The following ADAM10 variants were observed in gnomAD, a reference collection of about 807,000 sequenced individuals.
ADAM10 encodes ADAM metallopeptidase domain 10.
ADAM10 carries 17 observed loss-of-function variants against 90.1 expected under a neutral mutation model. That is an observed-to-expected ratio of 0.19 (90% CI 0.13 to 0.28). The LOEUF is 0.28. Ranked by LOEUF, ADAM10 falls within the 10% of genes least tolerant of loss-of-function variation. The probability of loss-of-function intolerance (pLI) is 1.00; values close to 1 mark genes in which losing one functional copy is unlikely to be tolerated. For synonymous variants in ADAM10, 310 were observed against 298.6 expected (o/e 1.04, Z -0.40); for missense variants, 610 against 914.3 (o/e 0.67, Z 4.29).
At chr15:58,722,749 T>TTGG (rs1898897713) in intron 1 of ADAM10, among the ~76,000 whole-genome samples, 1 of 148,558 alleles carries the variant, frequency 6.7e-6, no homozygotes, top group African/African-American at 2.5e-5. Context: ...TTTTTTTTTT[T>TTGG]GAGACAAGGT....
At chr15:58,743,682 G>A (rs1372014009) in intron 1 of ADAM10, among the ~76,000 whole-genome samples, 1 of 151,488 alleles carries the variant, frequency 6.6e-6, no homozygotes, top group African/African-American at 2.4e-5. Flanking sequence ...TCAGCTCACT[G>A]CAACCTCCAC....
At chr15:58,644,691 T>C (rs1209123413) in intron 6 of ADAM10, among the ~76,000 whole-genome samples, 1 of 152,248 alleles carries the variant, frequency 6.6e-6, no homozygotes. Flanking sequence ...ACTTCCCTGA[T>C]GGCTCAGGAC....
chr15:58,711,752 C>A (rs1478209959), intron 2 of ADAM10, among the ~76,000 whole-genome samples: 8 of 152,068 alleles, frequency 5.3e-5, no homozygotes, highest in Non-Finnish European at 7.4e-5. Flanking sequence ...ATACATACAA[C>A]CACAAAAATA....
At chr15:58,630,205 A>G (rs1474031551) in intron 9 of ADAM10, among the ~76,000 whole-genome samples, 1 of 152,204 alleles carries the variant, frequency 6.6e-6, no homozygotes, top group Non-Finnish European at 1.5e-5. Context: ...AGGCTGCTTA[A>G]AACTTTTTGG....
rs78257076 is a variant in ADAM10 at position 58,659,606 on chromosome 15, C to T, written c.585+5491G>A. Among the ~76,000 whole-genome samples, 252 of 152,194 alleles carry T rather than the reference C, an allele frequency of 1.7e-3. 1 individual carries two copies. Among genetic ancestry groups the T allele is most frequent in the Non-Finnish European group, 2.7e-3 (184 of 67,996 alleles). On this transcript the variant is annotated intron_variant, in intron 5 of 15. Coordinates refer to ENST00000260408, the MANE Select transcript of ADAM10 (RefSeq NM_001110.4). ...TATATATATTGCTGGATTTCACTTGCTAATATTTTAAGAAATTTTACTTTT... is the reference window on the plus strand; with the variant it reads ...TATATATATTGCTGGATTTCACTTGTTAATATTTTAAGAAATTTTACTTTT...
At chr15:58,725,496 T>C (rs559327025) in intron 1 of ADAM10, among the ~76,000 whole-genome samples, 1 of 151,214 alleles carries the variant, frequency 6.6e-6, no homozygotes, top group Admixed American at 6.6e-5. Context: ...CAGTGAGCTA[T>C]GATCACAACA....
chr15:58,621,757 T>C (rs1056831360), intron 10 of ADAM10, 136 bp from the exon 11 acceptor site: 3 of 1,126,904 alleles, frequency 2.7e-6, no homozygotes, highest in Non-Finnish European at 3.9e-6. Context: ...ACTAGGAATC[T>C]GGAAATTACG....
Position 58,596,148 on chromosome 15 carries a change from T to C in ADAM10, c.*1399A>G, listed in dbSNP as rs1171322971. On this transcript the variant is annotated 3_prime_UTR_variant, in exon 16 of 16. Coordinates refer to ENST00000260408, the MANE Select transcript of ADAM10 (RefSeq NM_001110.4). ...AAATCTTTACAACTTTCTCTAAATT[T>C]GCCTCCTATGTGAAGTCAGGAAAAT... 6.6e-6 allele frequency: 1 copy of C among 152,074 alleles called. No individual in the cohort carries two copies. The highest frequency in any genetic ancestry group is 1.5e-5 in the Non-Finnish European group (1 of 67,974). 9.4% of individuals were successfully genotyped at this position (152,074 alleles called of 1,614,324 possible).
rs561699645 is a variant in ADAM10 at position 58,650,894 on chromosome 15, T to A, written c.586-4690A>T. ...ATTAATTTTATACATTGTGAAAGCA[T>A]AAAATTTTATACAAAGTTTATAACT... On this transcript the variant is annotated intron_variant, in intron 5 of 15. Transcript: ENST00000260408. Among the ~76,000 whole-genome samples the A allele has an allele frequency of 6.6e-5, 10 of 152,244 alleles. No individual in the cohort carries two copies. The South Asian group carries it at 2.1e-3, about 32-fold the overall frequency.
intron 2 of ADAM10, among the ~76,000 whole-genome samples, chr15:58,683,618 T>C (rs533131429): frequency 1.2e-4 from 19 of 152,028 alleles, no homozygotes; most frequent in African/African-American, 3.6e-4. Flanking sequence ...TCCCAGAACT[T>C]TGGGAGGCTG....
intron 2 of ADAM10, among the ~76,000 whole-genome samples, chr15:58,708,172 C>T (rs749089996): frequency 3.9e-5 from 6 of 152,166 alleles, no homozygotes; most frequent in Non-Finnish European, 8.8e-5. Flanking sequence ...TGTAAACCAA[C>T]TGTATAAAAT....
At chr15:58,722,632 T>A (rs1898892313) in intron 1 of ADAM10, among the ~76,000 whole-genome samples, 1 of 151,478 alleles carries the variant, frequency 6.6e-6, no homozygotes, top group Non-Finnish European at 1.5e-5. Flanking sequence ...AACTTCATGC[T>A]CTGTAACATT....
chr15:58,655,723 A>ACTATATATAGTGTG (rs1381370723), intron 5 of ADAM10, among the ~76,000 whole-genome samples: 3 of 78,070 alleles, frequency 3.8e-5, no homozygotes, highest in Non-Finnish European at 7.5e-5. Context: ...ATATATATAT[A>ACTATATATAGTGTG]TATATATATA....
At chr15:58,629,689 T>C (rs1239939795) in intron 9 of ADAM10, among the ~76,000 whole-genome samples, 1 of 152,222 alleles carries the variant, frequency 6.6e-6, no homozygotes, top group Non-Finnish European at 1.5e-5. Flanking sequence ...ACTATAACTA[T>C]TAAAATTTTG....
chr15:58,648,703 T>C (rs1321407422), intron 5 of ADAM10, among the ~76,000 whole-genome samples: 2 of 152,196 alleles, frequency 1.3e-5, no homozygotes, highest in African/African-American at 4.8e-5. Flanking sequence ...TCATATGATT[T>C]TTCTATTATT....
intron 10 of ADAM10, among the ~76,000 whole-genome samples, chr15:58,626,966 A>G (rs1343065174): frequency 1.3e-5 from 2 of 152,168 alleles, no homozygotes; most frequent in African/African-American, 4.8e-5. Context: ...AAAATGGCAC[A>G]CTTTATGCTA....
chr15:58,628,523 A>T (rs544246282), intron 9 of ADAM10, among the ~76,000 whole-genome samples: 2 of 152,340 alleles, frequency 1.3e-5, no homozygotes, highest in East Asian at 3.9e-4. Flanking sequence ...AAATGCACAT[A>T]AGTGGTGTTC....
chr15:58,728,581 T>A (rs58667875), intron 1 of ADAM10, among the ~76,000 whole-genome samples: 7,650 of 150,646 alleles, frequency 0.051, 655 homozygotes, highest in African/African-American at 0.17. Flanking sequence ...CTCTATTTTT[T>A]AAAAAAAAAG....
chr15:58,686,269 C>T, intron 2 of ADAM10: 1 of 581,388 alleles, frequency 1.7e-6, no homozygotes, highest in South Asian at 2.2e-5. Context: ...AGAAGACAGA[C>T]TTTGTTGTCA....
Sources: allele counts gnomAD v4.1 joint callset (sites outside exome capture counted in the v4.1 genomes callset), GRCh38; gene constraint gnomAD v4.1.1; transcripts MANE v1.5; gene names NCBI Gene and HGNC (gene_info 2026-07-23, HGNC 2026-07-21).